The following CEP57L1 variants were observed in gnomAD, a reference collection of about 807,000 sequenced individuals.
CEP57L1 encodes centrosomal protein CEP57L1.
Under a neutral mutation model 61.0 loss-of-function variants are expected in CEP57L1, and 37 were observed. That is an observed-to-expected ratio of 0.61 (90% CI 0.47 to 0.80). The LOEUF (loss-of-function observed/expected upper bound fraction) is 0.80. Ranked by LOEUF, CEP57L1 falls within the 30% of genes least tolerant of loss-of-function variation. The pLI, the probability that CEP57L1 is intolerant of heterozygous loss-of-function variation, is 0.00. For synonymous variants in CEP57L1, 137 were observed against 162.3 expected, an observed-to-expected ratio of 0.84 and a Z score of 1.19; for missense variants, 422 against 524.7, an observed-to-expected ratio of 0.80 and a Z score of 1.91.
chr6:109,103,561 A>C (rs1397357889), intron 1 of CEP57L1, among the ~76,000 whole-genome samples: 1 of 152,136 alleles, frequency 6.6e-6, no homozygotes, highest in Non-Finnish European at 1.5e-5. Context: ...TTTTGGTTCC[A>C]TCTTTCAGGA....
intron 1 of CEP57L1, among the ~76,000 whole-genome samples, chr6:109,117,068 A>G (rs1019556690): frequency 6.6e-6 from 1 of 152,160 alleles, no homozygotes; most frequent in Non-Finnish European, 1.5e-5. Flanking sequence ...AATTCCCGTG[A>G]TTTTTATTTT....
chr6:109,168,480 A>G lies in CEP57L1; in HGVS notation c.*5510A>G, dbSNP rs139124725. Among the ~76,000 whole-genome samples, 1,422 of 152,152 alleles carry G rather than the reference A, an allele frequency of 9.3e-3. 25 individuals are homozygous for G. The highest frequency in any genetic ancestry group is 0.033 in the African/African-American group (1,359 of 41,508). ...CTTCCCTTATGAACTTAAGCCACTC[A>G]ATTTCTGCATACTTCAGCCTCCTCA... On this transcript the variant is annotated 3_prime_UTR_variant, in exon 11 of 11. Transcript: ENST00000517392.
chr6:109,121,135 G>A (rs1772924483), intron 1 of CEP57L1, among the ~76,000 whole-genome samples: 1 of 152,118 alleles, frequency 6.6e-6, no homozygotes, highest in Admixed American at 6.6e-5. Flanking sequence ...ACTAAAAACG[G>A]GGAAGTTAGC....
At chr6:109,118,192 A>G (rs1772528692) in intron 1 of CEP57L1, among the ~76,000 whole-genome samples, 1 of 151,512 alleles carries the variant, frequency 6.6e-6, no homozygotes, top group Admixed American at 6.6e-5. Flanking sequence ...CCCACCACCA[A>G]CTCCAGCTAA....
chr6:109,102,651 T>G (rs558213623), intron 1 of CEP57L1, among the ~76,000 whole-genome samples: 36 of 142,418 alleles, frequency 2.5e-4, no homozygotes, highest in African/African-American at 9.1e-4. Context: ...CATTTTTTAG[T>G]TTTTTTTTTG....
At chr6:109,101,867 C>T (rs1234970249) in intron 1 of CEP57L1, among the ~76,000 whole-genome samples, 1 of 152,226 alleles carries the variant, frequency 6.6e-6, no homozygotes, top group Non-Finnish European at 1.5e-5. Context: ...GATCCGCCCG[C>T]CTCGGCCTCC....
chr6:109,116,875 C>T (rs906354900), intron 1 of CEP57L1, among the ~76,000 whole-genome samples: 2 of 152,044 alleles, frequency 1.3e-5, no homozygotes, highest in African/African-American at 4.8e-5. Context: ...TTAAGAAAAA[C>T]ATACTTCTAA....
At chr6:109,108,237 T>C (rs116137647) in intron 1 of CEP57L1, among the ~76,000 whole-genome samples, 3,444 of 151,752 alleles carry the variant, frequency 0.023, 149 homozygotes, top group African/African-American at 0.08. Flanking sequence ...TTCTACATTT[T>C]TCTCTTTTTT....
chr6:109,161,665 A>T (rs1307051337), intron 10 of CEP57L1, among the ~76,000 whole-genome samples: 2 of 152,072 alleles, frequency 1.3e-5, no homozygotes, highest in East Asian at 3.8e-4. Context: ...TTTCTGTATG[A>T]TTGTTTTGGA....
At chr6:109,136,740 A>G (rs1583539702) in intron 1 of CEP57L1, among the ~76,000 whole-genome samples, 1 of 143,244 alleles carries the variant, frequency 7.0e-6, no homozygotes, top group Admixed American at 6.8e-5. Flanking sequence ...ATTTTATTTT[A>G]TTTTATTTTA....
At chr6:109,124,253 G>C (rs944960010) in intron 1 of CEP57L1, among the ~76,000 whole-genome samples, 1 of 152,052 alleles carries the variant, frequency 6.6e-6, no homozygotes, top group Non-Finnish European at 1.5e-5. Context: ...CTACCTACAG[G>C]ATAAAATCTA....
intron 1 of CEP57L1, chr6:109,130,883 A>G (rs1390686063): frequency 1.3e-5 from 2 of 152,000 alleles, no homozygotes; most frequent in Non-Finnish European, 2.9e-5. Flanking sequence ...TTGTCTTTCT[A>G]CTATAAAGTT....
At chr6:109,131,569 C>A (rs567558372) in intron 1 of CEP57L1, among the ~76,000 whole-genome samples, 1 of 151,948 alleles carries the variant, frequency 6.6e-6, no homozygotes, top group African/African-American at 2.4e-5. Flanking sequence ...CAGTTAGTAT[C>A]TCTAAAGTAT....
At chr6:109,152,233 T>G (rs1352868977) in intron 4 of CEP57L1, among the ~76,000 whole-genome samples, 1 of 152,202 alleles carries the variant, frequency 6.6e-6, no homozygotes, top group Non-Finnish European at 1.5e-5. Flanking sequence ...CAGGCTGGAG[T>G]GCAGTGGCAC....
chr6:109,126,086 T>C (rs1008389744), intron 1 of CEP57L1, among the ~76,000 whole-genome samples: 2 of 152,206 alleles, frequency 1.3e-5, no homozygotes, highest in African/African-American at 4.8e-5. Context: ...CAAATTAGTT[T>C]CAGAGGATTT....
Position 109,163,267 on chromosome 6 carries a change from A to G in CEP57L1, c.*297A>G, listed in dbSNP as rs375397558. 1.2e-3 allele frequency: 261 copies of G among 224,506 alleles called. 2 individuals are homozygous for G. The highest frequency in any genetic ancestry group is 1.9e-3 in the Non-Finnish European group (217 of 114,088). 13.9% of individuals were successfully genotyped at this position (224,506 alleles called of 1,614,324 possible). On this transcript the variant is annotated 3_prime_UTR_variant, in exon 11 of 11. Coordinates refer to ENST00000517392, the MANE Select transcript of CEP57L1 (RefSeq NM_001271852.3). ...TTTAAGAAATTGTACTAGATTGACA[A>G]TATTCAAAATTGAGTTAAATCCAAG...
At chr6:109,137,660 A>C (rs895834023) in intron 1 of CEP57L1, among the ~76,000 whole-genome samples, 1 of 152,218 alleles carries the variant, frequency 6.6e-6, no homozygotes, top group Admixed American at 6.5e-5. Context: ...GTAATGAGTT[A>C]TTGCTAGTTT....
chr6:109,102,675 G>A (rs971155311), intron 1 of CEP57L1, among the ~76,000 whole-genome samples: 2 of 151,978 alleles, frequency 1.3e-5, no homozygotes, highest in East Asian at 3.8e-4. Context: ...AAGGTATAAG[G>A]TCTGTGCCTA....
At chr6:109,114,131 A>G (rs918690522) in intron 1 of CEP57L1, among the ~76,000 whole-genome samples, 5 of 152,228 alleles carry the variant, frequency 3.3e-5, no homozygotes, top group Admixed American at 2.6e-4. Context: ...AGGAACCTCC[A>G]TACTGTTTTC....
Sources: allele counts gnomAD v4.1 joint callset (sites outside exome capture counted in the v4.1 genomes callset), GRCh38; gene constraint gnomAD v4.1.1; transcripts MANE v1.5; gene names NCBI Gene and HGNC (gene_info 2026-07-23, HGNC 2026-07-21).